The following KPNA1 variants were observed in gnomAD, a reference collection of about 807,000 sequenced individuals.
The protein encoded by KPNA1 is importin subunit alpha-5.
In KPNA1, 10 loss-of-function variants were observed where a neutral mutation model predicts 70.5. The observed-to-expected ratio is 0.14, with a 90% CI of 0.09 to 0.24. The LOEUF (loss-of-function observed/expected upper bound fraction) is 0.24. Among genes scored for constraint, KPNA1 ranks in the 10% least tolerant of loss-of-function variants. KPNA1 has a pLI of 1.00. For missense variants in KPNA1, 397 were observed against 637.9 expected, an observed-to-expected ratio of 0.62 and a Z score of 4.07; for synonymous variants, 192 against 221.9, an observed-to-expected ratio of 0.87 and a Z score of 1.20.
At chr3:122,499,062 G>T (rs915015530) in intron 1 of KPNA1, among the ~76,000 whole-genome samples, 1 of 152,290 alleles carries the variant, frequency 6.6e-6, no homozygotes, top group South Asian at 2.1e-4. Context: ...TTTGTATACT[G>T]ATCTTGTATT....
intron 2 of KPNA1, among the ~76,000 whole-genome samples, chr3:122,490,072 A>G (rs1372394068): frequency 6.6e-6 from 1 of 152,246 alleles, no homozygotes; most frequent in Non-Finnish European, 1.5e-5. Context: ...ATCCTTTAAA[A>G]TGATATTTTC....
chr3:122,430,545 G>GTGTGTGTGTGTGTGTGTGTGTGTGT (rs1560014460), intron 12 of KPNA1, among the ~76,000 whole-genome samples: 2 of 76,624 alleles, frequency 2.6e-5, no homozygotes, highest in Non-Finnish European at 6.2e-5. Flanking sequence ...TGTGTGTGTG[G>GTGTGTGTGTGTGTGTGTGTGTGTGT]TTTCTCAAAT....
chr3:122,496,350 C>CACACACA, intron 2 of KPNA1, 87 bp downstream of exon 2: 5 of 569,554 alleles, frequency 8.8e-6, no homozygotes, highest in Non-Finnish European at 1.4e-5. Flanking sequence ...ACACACACAC[C>CACACACA]CCAACTTTGC....
chr3:122,442,267 G>A, intron 9 of KPNA1, 151 bp from the exon 10 acceptor site: 1 of 621,512 alleles, frequency 1.6e-6, no homozygotes, highest in Non-Finnish European at 2.9e-6. Flanking sequence ...TTATCATGAT[G>A]ATGGAATGTC....
intron 2 of KPNA1, among the ~76,000 whole-genome samples, chr3:122,494,647 G>GC (rs772190901): frequency 2.2e-4 from 33 of 152,108 alleles, no homozygotes; most frequent in Non-Finnish European, 4.0e-4. Context: ...TCCTAGGATT[G>GC]TTTTTTCTTA....
intron 9 of KPNA1, 126 bp from the exon 10 acceptor site, chr3:122,442,242 T>C (rs918461236): frequency 1.5e-6 from 1 of 678,804 alleles, no homozygotes; most frequent in South Asian, 1.8e-5. Context: ...CCCATGGGGC[T>C]AATTAAGGGA....
rs537029137 is a variant in KPNA1 at position 122,464,508 on chromosome 3, A to G, written c.238-467T>C. On this transcript the variant is annotated intron_variant, in intron 3 of 13. Coordinates refer to ENST00000344337, the MANE Select transcript of KPNA1 (RefSeq NM_002264.4). ...TATACTGTAACTTCCTTGTAAGCCC[A>G]AGACCCTGTCTGTCTTACTCTATCA... Among the ~76,000 whole-genome samples, 3 of 152,290 alleles carry G rather than the reference A, an allele frequency of 2.0e-5. No homozygotes were observed. In the East Asian group the frequency reaches 5.8e-4, roughly 29 times the overall value.
intron 2 of KPNA1, among the ~76,000 whole-genome samples, chr3:122,471,659 T>C (rs985341605): frequency 3.3e-5 from 5 of 152,094 alleles, no homozygotes; most frequent in South Asian, 2.1e-4. Context: ...CTGGCCAACA[T>C]AGCAAAACCC....
intron 1 of KPNA1, among the ~76,000 whole-genome samples, chr3:122,511,194 G>GCTGACCCCAAGCTGCCTATT (rs1316212092): frequency 3.0e-4 from 46 of 152,188 alleles, no homozygotes; most frequent in African/African-American, 1.0e-3. Flanking sequence ...CTGTTCCCTA[G>GCTGACCCCAAGCTGCCTATT]CTGACCCCAA....
At chr3:122,494,887 C>A (rs531248300) in intron 2 of KPNA1, among the ~76,000 whole-genome samples, 4 of 152,186 alleles carry the variant, frequency 2.6e-5, no homozygotes, top group African/African-American at 9.6e-5. Context: ...CAGACCTATA[C>A]CTACCTGGGT....
intron 5 of KPNA1, among the ~76,000 whole-genome samples, chr3:122,455,748 G>A (rs1189244615): frequency 6.6e-6 from 1 of 151,966 alleles, no homozygotes; most frequent in African/African-American, 2.4e-5. Flanking sequence ...TAGAGACGAG[G>A]TTTCATCATG....
At chr3:122,486,070 G>A (rs1407237204) in intron 2 of KPNA1, among the ~76,000 whole-genome samples, 1 of 152,096 alleles carries the variant, frequency 6.6e-6, no homozygotes, top group East Asian at 1.9e-4. Context: ...GCAAACAGTT[G>A]ACAGCTCCTA....
At chr3:122,497,905 T>C (rs1377790840) in intron 1 of KPNA1, among the ~76,000 whole-genome samples, 1 of 152,242 alleles carries the variant, frequency 6.6e-6, no homozygotes, top group Non-Finnish European at 1.5e-5. Context: ...AGTTTTAATT[T>C]TGATGAAGTC....
chr3:122,450,950 C>T lies in KPNA1; in HGVS notation c.753+584G>A, dbSNP rs538245449. 1.3e-4 allele frequency among the ~76,000 whole-genome samples: 20 copies of T among 152,170 alleles called. No homozygotes were observed. In the South Asian group the frequency reaches 3.5e-3, roughly 27 times the overall value. On this transcript the variant is annotated intron_variant, in intron 8 of 13. Transcript: ENST00000344337. The stretch of plus-strand genomic sequence containing the variant: ...ATAAGTGGGAGCTAAGCTATGAGGA[C>T]GCAAAAGCGTAAGAATGATACAATG...
rs1330547208 is a variant in KPNA1, at chr3:122,424,806, A to G, written c.*2179T>C. On this transcript the variant is annotated 3_prime_UTR_variant, in exon 14 of 14. Transcript: ENST00000344337. ...TGTTACTAGTAATTTACAATTTTAA[A>G]AAACAGCCACAAAAAAGTCAAAGCT... 6.6e-6 allele frequency: 1 copy of G among 152,664 alleles called. No individual in the cohort carries two copies. Among genetic ancestry groups the G allele is most frequent in the Non-Finnish European group, 1.5e-5 (1 of 68,040 alleles). The allele number at this position is 152,664 out of a possible 1,614,324, so 9.5% of individuals were successfully genotyped here. A position where few individuals can be genotyped will look rare whatever the true frequency, so the allele number is the denominator to read the frequency against.
chr3:122,454,179 T>C (rs1312156474), intron 5 of KPNA1, among the ~76,000 whole-genome samples, 178 bp from the exon 6 acceptor site: 1 of 152,166 alleles, frequency 6.6e-6, no homozygotes, highest in Non-Finnish European at 1.5e-5. Context: ...TACCTCAACC[T>C]AGAAGAATAT....
intron 2 of KPNA1, 91 bp downstream of exon 2, chr3:122,496,346 A>ACACACACC: frequency 8.5e-7 from 1 of 1,180,368 alleles, no homozygotes; most frequent in African/African-American, 1.5e-5. Flanking sequence ...ACACACACAC[A>ACACACACC]CACCCCAACT....
At chr3:122,462,131 A>T (rs2076330783) in intron 4 of KPNA1, among the ~76,000 whole-genome samples, 1 of 152,200 alleles carries the variant, frequency 6.6e-6, no homozygotes, top group South Asian at 2.1e-4. Context: ...AGCACAAAAA[A>T]ACAAATTTGA....
At chr3:122,430,559 C>CTGTGTGTG (rs113921259) in intron 12 of KPNA1, among the ~76,000 whole-genome samples, 2,660 of 145,040 alleles carry the variant, frequency 0.018, 40 homozygotes, top group Non-Finnish European at 0.024. Context: ...CTCAAATAAA[C>CTGTGTGTG]TGTGTGTGTG....
Sources: gnomAD v4.1 joint callset for allele counts (sites outside exome capture counted in the v4.1 genomes callset) on GRCh38, gnomAD v4.1.1 for gene constraint, MANE v1.5 for transcripts, NCBI Gene and HGNC (gene_info 2026-07-23, HGNC 2026-07-21) for gene names.